CDH12: variants seen among roughly 807,000 people sequenced by gnomAD.
The protein encoded by CDH12 is cadherin-12.
CDH12 carries 41 observed loss-of-function variants against 74.1 expected under a neutral mutation model. That is an observed-to-expected ratio of 0.55 (90% CI 0.43 to 0.72). CDH12 has a LOEUF of 0.72. Ranked by LOEUF, CDH12 falls within the 30% of genes least tolerant of loss-of-function variation. The pLI is 0.00. For synonymous variants in CDH12, 399 were observed against 355.0 expected (o/e 1.12, Z -1.39); for missense variants, 945 against 977.2 (o/e 0.97, Z 0.44).
At chr5:21,828,070 T>C (rs956130098) in intron 8 of CDH12, among the ~76,000 whole-genome samples, 1 of 152,158 alleles carries the variant, frequency 6.6e-6, no homozygotes, top group Non-Finnish European at 1.5e-5. Context: ...AAAAGTTTTT[T>C]CATAAATTAT....
chr5:21,992,672 G>T (rs574119000), intron 5 of CDH12, among the ~76,000 whole-genome samples: 396 of 152,180 alleles, frequency 2.6e-3, no homozygotes, highest in African/African-American at 8.8e-3. Flanking sequence ...ATCATCCACT[G>T]TTTTTTACAA....
At chr5:22,250,814 A>C (rs1275375175) in intron 3 of CDH12, among the ~76,000 whole-genome samples, 1 of 152,128 alleles carries the variant, frequency 6.6e-6, no homozygotes, top group African/African-American at 2.4e-5. Context: ...CCCTTAATGG[A>C]AAGGAGAGCA....
chr5:22,684,893 C>A (rs2126934284), intron 1 of CDH12, among the ~76,000 whole-genome samples: 1 of 152,200 alleles, frequency 6.6e-6, no homozygotes, highest in East Asian at 1.9e-4. Flanking sequence ...AACAGTGTCC[C>A]AATTAATAGA....
chr5:22,637,249 A>T (rs1181982197), intron 1 of CDH12, among the ~76,000 whole-genome samples: 1 of 152,250 alleles, frequency 6.6e-6, no homozygotes, highest in Non-Finnish European at 1.5e-5. Context: ...TTATTCCAAA[A>T]GAGCCCTTAA....
chr5:22,271,494 C>T (rs1004054376), intron 3 of CDH12, among the ~76,000 whole-genome samples: 2 of 152,130 alleles, frequency 1.3e-5, no homozygotes, highest in Non-Finnish European at 2.9e-5. Context: ...TTTTGACCTA[C>T]TTCCAAAAAA....
chr5:22,484,601 T>C (rs1580696229), intron 2 of CDH12, among the ~76,000 whole-genome samples: 1 of 152,310 alleles, frequency 6.6e-6, no homozygotes, highest in South Asian at 2.1e-4. Context: ...ACTTGAAGCC[T>C]TGAAGTAAAG....
chr5:21,820,622 T>G (rs1048946742), intron 8 of CDH12, among the ~76,000 whole-genome samples: 1 of 152,020 alleles, frequency 6.6e-6, no homozygotes, highest in Non-Finnish European at 1.5e-5. Flanking sequence ...GGTAATAAAG[T>G]CTGCAGAATA....
chr5:22,821,588 A>G (rs1278756183), intron 1 of CDH12, among the ~76,000 whole-genome samples: 2 of 152,124 alleles, frequency 1.3e-5, no homozygotes, highest in Admixed American at 6.6e-5. Context: ...TTATACACCA[A>G]TAACAGACAG....
chr5:21,845,579 G>A (rs1750123232), intron 7 of CDH12, among the ~76,000 whole-genome samples: 1 of 137,412 alleles, frequency 7.3e-6, no homozygotes, highest in Admixed American at 7.6e-5. Context: ...TTTTCATGAA[G>A]CCTTTTCTGA....
intron 2 of CDH12, among the ~76,000 whole-genome samples, chr5:22,471,864 A>C (rs1269928379): frequency 6.6e-6 from 1 of 152,204 alleles, no homozygotes; most frequent in Non-Finnish European, 1.5e-5. Context: ...GGATCTGTTA[A>C]AGAAATAGTT....
intron 6 of CDH12, among the ~76,000 whole-genome samples, chr5:21,886,160 A>G (rs181470062): frequency 4.6e-5 from 7 of 152,186 alleles, no homozygotes; most frequent in Non-Finnish European, 8.8e-5. Flanking sequence ...TCTCTATTTA[A>G]AGTGGCTTGT....
intron 8 of CDH12, among the ~76,000 whole-genome samples, chr5:21,832,876 GATATAATATTA>G (rs1368766869): frequency 6.7e-4 from 35 of 51,872 alleles, no homozygotes; most frequent in African/African-American, 5.1e-3. Flanking sequence ...TATGATATAT[GATATAATATTA>G]ATATATATCA....
At chr5:22,027,138 C>T (rs921955652) in intron 5 of CDH12, among the ~76,000 whole-genome samples, 2 of 152,008 alleles carry the variant, frequency 1.3e-5, no homozygotes, top group African/African-American at 2.4e-5. Context: ...GTATATTGAA[C>T]CAGCCTTGCA....
rs557105826 is a variant in CDH12, at chr5:21,936,687, CCCCA to C, written c.526+38400_526+38403del. ...TACATGTTATGATTTGGCTCTGTGA[CCCCA>C]CCCAAATCTCAACTCGAATTGTAAT... On this transcript the variant is annotated intron_variant, in intron 6 of 14. Transcript: ENST00000382254. Among the ~76,000 whole-genome samples the C allele has an allele frequency of 2.1e-4, 32 of 152,212 alleles. No individual in the cohort carries two copies. The East Asian group carries it at 6.2e-3, about 29-fold the overall frequency.
intron 2 of CDH12, among the ~76,000 whole-genome samples, chr5:22,500,621 C>T (rs1340061252): frequency 6.6e-6 from 1 of 152,100 alleles, no homozygotes; most frequent in Non-Finnish European, 1.5e-5. Context: ...CAGGTCAATG[C>T]TAATTGAGAG....
At chr5:22,518,773 T>A (rs538577544) in intron 1 of CDH12, among the ~76,000 whole-genome samples, 1 of 152,218 alleles carries the variant, frequency 6.6e-6, no homozygotes, top group Admixed American at 6.5e-5. Flanking sequence ...GTTTCACTGA[T>A]GCAAGGAGTG....
chr5:21,891,572 T>TACACACACACACACACAC (rs66657734), intron 6 of CDH12, among the ~76,000 whole-genome samples: 1,614 of 145,024 alleles, frequency 0.011, 13 homozygotes, highest in Admixed American at 0.02. Flanking sequence ...CACACACACA[T>TACACACACACACACACAC]ACACACACAC....
At chr5:22,049,356 G>A (rs1050606036) in intron 5 of CDH12, among the ~76,000 whole-genome samples, 10 of 152,030 alleles carry the variant, frequency 6.6e-5, no homozygotes, top group African/African-American at 1.7e-4. Flanking sequence ...TCATGAGTCC[G>A]CTTCCTTTTT....
At chr5:21,872,266 T>C (rs899238554) in intron 6 of CDH12, among the ~76,000 whole-genome samples, 9 of 152,208 alleles carry the variant, frequency 5.9e-5, no homozygotes, top group African/African-American at 2.2e-4. Flanking sequence ...TTATAAAACC[T>C]TCCTCTTAGA....
Sources: gnomAD v4.1 joint callset for allele counts (sites outside exome capture counted in the v4.1 genomes callset) on GRCh38, gnomAD v4.1.1 for gene constraint, MANE v1.5 for transcripts, NCBI Gene and HGNC (gene_info 2026-07-23, HGNC 2026-07-21) for gene names.